The following SCN3A variants were observed in gnomAD, a reference collection of about 807,000 sequenced individuals.
SCN3A encodes the protein sodium voltage-gated channel alpha subunit 3.
SCN3A carries 60 observed loss-of-function variants against 187.6 expected under a neutral mutation model. The observed-to-expected ratio is 0.32, with a 90% CI of 0.26 to 0.40. The LOEUF (loss-of-function observed/expected upper bound fraction) is 0.40. SCN3A is among the 10% of genes least tolerant of loss of function. SCN3A has a pLI of 1.00. For missense variants in SCN3A, 1,601 were observed against 2,428.2 expected (o/e 0.66, Z 7.16); for synonymous variants, 788 against 829.2 (o/e 0.95, Z 0.85).
chr2:165,096,420 A>G (rs1487435181), intron 24 of SCN3A, 47 bp downstream of exon 24: 1 of 1,453,612 alleles, frequency 6.9e-7, no homozygotes, highest in Non-Finnish European at 9.7e-7. Flanking sequence ...ACCAATATTC[A>G]CCATAAGAAA....
Position 165,090,099 on chromosome 2 carries a change from A to T in SCN3A, c.*51T>A, listed in dbSNP as rs754350718. On this transcript the variant is annotated 3_prime_UTR_variant, in exon 28 of 28. Transcript: ENST00000283254. The surrounding 1 kb of genome is among the most constrained non-coding windows in gnomAD (Gnocchi z 4.0). ...GAAGTCCAGTTGACACATATACTTT[A>T]CCTTCATAGGCTGTAAACAATTGAT... The T allele has an allele frequency of 7.4e-5, 115 of 1,548,194 alleles. 2 individuals are homozygous for T. In the Admixed American group the frequency reaches 2.2e-3, roughly 30 times the overall value.
Position 165,090,058 on chromosome 2 carries a change from G to T in SCN3A, c.*92C>A. 3 of 1,526,826 alleles carry T rather than the reference G, an allele frequency of 2.0e-6. No individual in the cohort carries two copies. The highest frequency in any genetic ancestry group is 4.0e-5 in the Admixed American group (2 of 50,454). The allele number at this position is 1,526,826 out of a possible 1,614,324, so 94.6% of individuals were successfully genotyped here. ...AGTATTTGTTAAAACAGTCAGTTTGGCATGGACCTCCTCTTGAAGTCCAGT... is the reference window on the plus strand; with the variant it reads ...AGTATTTGTTAAAACAGTCAGTTTGTCATGGACCTCCTCTTGAAGTCCAGT... On this transcript the variant is annotated 3_prime_UTR_variant, in exon 28 of 28. Transcript: ENST00000283254. This position sits in a 1 kb window ranked among gnomAD's most constrained non-coding sequence, Gnocchi z 4.0.
intron 15 of SCN3A, among the ~76,000 whole-genome samples, chr2:165,136,446 G>A (rs1299921401): frequency 6.6e-6 from 1 of 152,168 alleles, no homozygotes; most frequent in East Asian, 1.9e-4. Flanking sequence ...CACAGTCTAG[G>A]TGCTTTCACA....
chr2:165,097,996 TA>T (rs1685439015), intron 22 of SCN3A, among the ~76,000 whole-genome samples: 1 of 152,208 alleles, frequency 6.6e-6, no homozygotes, highest in Non-Finnish European at 1.5e-5. Flanking sequence ...GTTAACTTTT[TA>T]TGACTACGAA....
chr2:165,145,889 T>A (rs1182795322), intron 12 of SCN3A, among the ~76,000 whole-genome samples: 1 of 152,134 alleles, frequency 6.6e-6, no homozygotes, highest in Non-Finnish European at 1.5e-5. Context: ...AAGCCAAAAT[T>A]GTACTTATCA....
At chr2:165,102,885 T>C (rs988923352) in intron 21 of SCN3A, among the ~76,000 whole-genome samples, 4 of 152,214 alleles carry the variant, frequency 2.6e-5, no homozygotes, top group African/African-American at 4.8e-5. Flanking sequence ...ATTTGACTTA[T>C]ATAGGAAAAT....
chr2:165,111,484 TACACACACACACACAC>T (rs60417556), intron 21 of SCN3A, among the ~76,000 whole-genome samples: 2,361 of 142,612 alleles, frequency 0.017, 60 homozygotes, highest in African/African-American at 0.052. Flanking sequence ...GCCAGTCTGA[TACACACACACACACAC>T]ACACACACAC....
intron 17 of SCN3A, among the ~76,000 whole-genome samples, chr2:165,128,973 AGTTATT>A (rs1379410760): frequency 1.3e-5 from 2 of 152,192 alleles, no homozygotes; most frequent in African/African-American, 2.4e-5. Context: ...AAATGTAGTT[AGTTATT>A]GAGTTTCAGA....
At chr2:165,197,997 A>G (rs952779942) in intron 1 of SCN3A, among the ~76,000 whole-genome samples, 2 of 152,010 alleles carry the variant, frequency 1.3e-5, no homozygotes, top group Admixed American at 6.6e-5. Flanking sequence ...GGACATGTAT[A>G]TATCATATCA....
chr2:165,120,657 C>T (rs1686622848), intron 18 of SCN3A, among the ~76,000 whole-genome samples: 2 of 152,060 alleles, frequency 1.3e-5, no homozygotes, highest in Non-Finnish European at 2.9e-5. Flanking sequence ...TTTGGTCATA[C>T]ACACTATCAG....
chr2:165,101,364 C>T (rs949680571), intron 21 of SCN3A, among the ~76,000 whole-genome samples: 1 of 152,118 alleles, frequency 6.6e-6, no homozygotes, highest in African/African-American at 2.4e-5. Flanking sequence ...AATATAATAA[C>T]ATGTCTTCAT....
chr2:165,148,938 C>G (rs1025805678), intron 11 of SCN3A, among the ~76,000 whole-genome samples: 1 of 151,996 alleles, frequency 6.6e-6, no homozygotes, highest in African/African-American at 2.4e-5. Flanking sequence ...AATATAGTTA[C>G]AGAGTTCTGG....
chr2:165,146,378 ATATATGTGTGTGTGTGTGTGTGTG>A (rs1688324465), intron 12 of SCN3A, among the ~76,000 whole-genome samples: 1 of 137,418 alleles, frequency 7.3e-6, no homozygotes, highest in Non-Finnish European at 1.5e-5. Context: ...TTATATATAT[ATATATGTGTGTGTGTGTGTGTGTG>A]TGTGTGTGTG....
At chr2:165,112,272 C>T (rs1484461990) in intron 21 of SCN3A, among the ~76,000 whole-genome samples, 2 of 151,680 alleles carry the variant, frequency 1.3e-5, no homozygotes, top group African/African-American at 2.4e-5. Context: ...TGACTACTCA[C>T]CCCAGGGTAA....
chr2:165,125,206 A>G (rs1160275087), intron 18 of SCN3A, among the ~76,000 whole-genome samples: 1 of 151,976 alleles, frequency 6.6e-6, no homozygotes, highest in Non-Finnish European at 1.5e-5. Flanking sequence ...TGTATATTTG[A>G]CCCAAACTTT....
chr2:165,115,269 A>C (rs1686310067), intron 19 of SCN3A, among the ~76,000 whole-genome samples, 186 bp downstream of exon 19: 1 of 151,306 alleles, frequency 6.6e-6, no homozygotes, highest in Non-Finnish European at 1.5e-5. Flanking sequence ...GCCTTACTAC[A>C]TTTCCCAGGG....
At chr2:165,110,936 A>G (rs1686081930) in intron 21 of SCN3A, among the ~76,000 whole-genome samples, 1 of 152,246 alleles carries the variant, frequency 6.6e-6, no homozygotes, top group Non-Finnish European at 1.5e-5. Context: ...TTTTTACATG[A>G]TAATCATGTT....
intron 1 of SCN3A, among the ~76,000 whole-genome samples, chr2:165,192,529 C>G (rs72870777): frequency 4.4e-4 from 67 of 152,170 alleles, no homozygotes; most frequent in Non-Finnish European, 8.1e-4. Context: ...ATGTTGCCAT[C>G]AAATTCTATA....
intron 2 of SCN3A, among the ~76,000 whole-genome samples, chr2:165,178,724 C>T (rs1011073253): frequency 1.3e-5 from 2 of 152,024 alleles, no homozygotes; most frequent in African/African-American, 4.8e-5. Flanking sequence ...TTGGGCAGCA[C>T]ATTTTTTTTT....
Sources: allele counts gnomAD v4.1 joint callset (sites outside exome capture counted in the v4.1 genomes callset), GRCh38; gene constraint gnomAD v4.1.1; non-coding constraint Gnocchi (gnomAD v3.1); transcripts MANE v1.5; gene names NCBI Gene and HGNC (gene_info 2026-07-23, HGNC 2026-07-21).